RYR2: variants seen among roughly 807,000 people sequenced by gnomAD.
The protein encoded by RYR2 is ryanodine receptor 2.
RYR2 carries 227 observed loss-of-function variants against 601.1 expected under a neutral mutation model. The ratio of observed to expected loss-of-function variants is 0.38; its 90% CI spans 0.34 to 0.42. The LOEUF is 0.42. Among genes scored for constraint, RYR2 ranks in the 10% least tolerant of loss-of-function variants. RYR2 has a pLI of 1.00. For missense variants in RYR2, 4,646 were observed against 6,156.5 expected (o/e 0.75, Z 8.21); for synonymous variants, 2,223 against 2,175.1 (o/e 1.02, Z -0.61).
chr1:237,511,833 T>TCAA, intron 24 of RYR2, 42 bp downstream of exon 24: 8 of 274,574 alleles, frequency 2.9e-5, no homozygotes, highest in East Asian at 7.2e-5. Context: ...CTGCCTTCCC[T>TCAA]GAAAAAAAAA....
At chr1:237,638,945 T>C (rs928887974) in intron 45 of RYR2, 70 bp from the exon 46 acceptor site, 4 of 1,506,822 alleles carry the variant, frequency 2.7e-6, no homozygotes, top group Admixed American at 1.9e-5. Flanking sequence ...AAATGATTAG[T>C]ATAACATTTA....
chr1:237,273,363 G>C (rs1326211433), intron 2 of RYR2, among the ~76,000 whole-genome samples: 2 of 152,202 alleles, frequency 1.3e-5, no homozygotes, highest in Admixed American at 6.5e-5. Context: ...GATGAAGCTT[G>C]CCTGCTGCTC....
intron 17 of RYR2, among the ~76,000 whole-genome samples, chr1:237,476,224 T>C (rs1572500224): frequency 6.6e-6 from 1 of 152,136 alleles, no homozygotes; most frequent in East Asian, 1.9e-4. Flanking sequence ...GAAGGAGTCT[T>C]TGAGGCTGGT....
At position 237,548,602 on chromosome 1, in the gene RYR2, T is replaced by C; in HGVS notation, c.3066+12T>C. ...ATGGCATCCAACAGGTACATGGGAA[T>C]TAGCATTTGGTCTGAGACTTACTTA... On this transcript the variant is annotated intron_variant, in intron 26 of 104. Transcript: ENST00000366574. 6.2e-7 allele frequency: 1 copy of C among 1,612,582 alleles called. No individual in the cohort carries two copies. The highest frequency in any genetic ancestry group is 8.5e-7 in the Non-Finnish European group (1 of 1,179,138).
chr1:237,607,826 G>T (rs763127690), intron 35 of RYR2, among the ~76,000 whole-genome samples: 1 of 152,186 alleles, frequency 6.6e-6, no homozygotes, highest in Non-Finnish European at 1.5e-5. Context: ...TATTAGGCTG[G>T]CTTGGTGACC....
At chr1:237,745,483 G>A (rs1288151725) in intron 80 of RYR2, among the ~76,000 whole-genome samples, 1 of 152,190 alleles carries the variant, frequency 6.6e-6, no homozygotes, top group Non-Finnish European at 1.5e-5. Flanking sequence ...GGGGCTGGAT[G>A]GCAGAGAAGG....
At chr1:237,792,503 A>G (rs1001516859) in intron 94 of RYR2, among the ~76,000 whole-genome samples, 180 bp downstream of exon 94, 37 of 151,812 alleles carry the variant, frequency 2.4e-4, no homozygotes, top group African/African-American at 8.9e-4. Context: ...ATGCTCCATG[A>G]ATCAACATGC....
At chr1:237,293,844 C>T (rs1692485246) in intron 2 of RYR2, among the ~76,000 whole-genome samples, 1 of 152,054 alleles carries the variant, frequency 6.6e-6, no homozygotes, top group South Asian at 2.1e-4. Context: ...TAAGGAGGCT[C>T]CATTTTGTAG....
At chr1:237,239,272 G>A (rs546623357) in intron 1 of RYR2, among the ~76,000 whole-genome samples, 5 of 152,162 alleles carry the variant, frequency 3.3e-5, no homozygotes, top group South Asian at 4.2e-4. Flanking sequence ...TCAAAGACAC[G>A]GACATGGAGT....
Position 237,436,454 on chromosome 1 carries a change from C to CTTTTTTTTTTTTTTTTTTTTTTTTTT in RYR2, c.1006-4841_1006-4840insTTTTTTTTTTTTTTTTTTTTTTTTTT, listed in dbSNP as rs551140501. Among the ~76,000 whole-genome samples, 75 of 48,726 alleles carry CTTTTTTTTTTTTTTTTTTTTTTTTTT rather than the reference C, an allele frequency of 1.5e-3. 6 individuals carry two copies. The highest frequency in any genetic ancestry group is 2.4e-3 in the East Asian group (3 of 1,266). 32.0% of individuals were successfully genotyped at this position (48,726 alleles called of 152,430 possible). A position where few individuals can be genotyped will look rare whatever the true frequency, so the allele number is the denominator to read the frequency against. On this transcript the variant is annotated intron_variant, in intron 12 of 104. Coordinates refer to ENST00000366574, the MANE Select transcript of RYR2 (RefSeq NM_001035.3). ...AGCCGAGGGATAATGTGTGATTTTC[C>CTTTTTTTTTTTTTTTTTTTTTTTTTT]TTTTTTTTTTTTTTTTTTTTTTTTG...
chr1:237,573,512 A>T (rs879193156), intron 29 of RYR2, among the ~76,000 whole-genome samples: 1 of 149,872 alleles, frequency 6.7e-6, no homozygotes. Flanking sequence ...TGGCTATCCC[A>T]GTTCTGGAAG....
At chr1:237,206,479 G>C (rs968544286) in intron 1 of RYR2, among the ~76,000 whole-genome samples, 13 of 152,144 alleles carry the variant, frequency 8.5e-5, no homozygotes, top group Non-Finnish European at 1.9e-4. Context: ...AAAAAAGAAA[G>C]TTTTTCACAC....
chr1:237,061,267 TC>T (rs377703512), intron 1 of RYR2, among the ~76,000 whole-genome samples: 9,046 of 85,190 alleles, frequency 0.11, 368 homozygotes, highest in Middle Eastern at 0.2. Flanking sequence ...TATCTATCTA[TC>T]CATCTATCAT....
At chr1:237,506,846 T>C (rs773954590) in intron 23 of RYR2, 32 bp downstream of exon 23, 2 of 1,504,778 alleles carry the variant, frequency 1.3e-6, no homozygotes, top group Non-Finnish European at 1.8e-6. Context: ...TTTCAGATTC[T>C]GTGAATACAT....
chr1:237,545,060 T>C (rs925665976), intron 25 of RYR2, among the ~76,000 whole-genome samples: 1 of 152,194 alleles, frequency 6.6e-6, no homozygotes, highest in East Asian at 1.9e-4. Context: ...CGTACAAGGT[T>C]ATAGAGGAAA....
At chr1:237,360,980 A>G (rs761355145) in intron 4 of RYR2, among the ~76,000 whole-genome samples, 1 of 152,180 alleles carries the variant, frequency 6.6e-6, no homozygotes, top group Non-Finnish European at 1.5e-5. Flanking sequence ...AGCTGGGACT[A>G]CAGGCATGTG....
rs1320246736 is a variant in RYR2 at position 237,080,612 on chromosome 1, T to C, written c.48+38043T>C. On this transcript the variant is annotated intron_variant, in intron 1 of 104. Coordinates refer to ENST00000366574, the MANE Select transcript of RYR2 (RefSeq NM_001035.3). ...CTCACACCAGTTAGAACGGCAGTCA[T>C]TAAAAAGTCAGGAAACAACAGGTGC... 2.7e-5 allele frequency among the ~76,000 whole-genome samples: 2 copies of C among 73,876 alleles called. 1 individual carries two copies. The highest frequency in any genetic ancestry group is 7.8e-5 in the African/African-American group (2 of 25,550). 48.5% of individuals were successfully genotyped at this position (73,876 alleles called of 152,430 possible).
intron 10 of RYR2, among the ~76,000 whole-genome samples, chr1:237,408,909 G>T (rs1454477443): frequency 6.6e-6 from 1 of 150,838 alleles, no homozygotes; most frequent in Admixed American, 6.6e-5. Context: ...TGTTAGATTT[G>T]TATTTCAGCA....
chr1:237,057,181 A>G (rs1662255671), intron 1 of RYR2, among the ~76,000 whole-genome samples: 1 of 152,010 alleles, frequency 6.6e-6, no homozygotes, highest in Admixed American at 6.6e-5. Context: ...GACGAAGGTG[A>G]CTGAGGAAAC....
Sources: gnomAD v4.1 joint callset for allele counts (sites outside exome capture counted in the v4.1 genomes callset) on GRCh38, gnomAD v4.1.1 for gene constraint, MANE v1.5 for transcripts, NCBI Gene and HGNC (gene_info 2026-07-23, HGNC 2026-07-21) for gene names.